The following UNC5C variants were observed in gnomAD, a reference collection of about 807,000 sequenced individuals.
UNC5C encodes unc-5 netrin receptor C.
UNC5C carries 47 observed loss-of-function variants against 99.8 expected under a neutral mutation model. The ratio of observed to expected loss-of-function variants is 0.47; its 90% CI spans 0.37 to 0.60. The LOEUF is 0.60. Ranked by LOEUF, UNC5C falls within the 20% of genes least tolerant of loss-of-function variation. UNC5C has a pLI of 0.00. For synonymous variants in UNC5C, 487 were observed against 452.2 expected (o/e 1.08, Z -0.98); for missense variants, 1,062 against 1,165.9 (o/e 0.91, Z 1.30).
intron 7 of UNC5C, among the ~76,000 whole-genome samples, chr4:95,235,863 G>T (rs1739091582): frequency 6.6e-6 from 1 of 152,132 alleles, no homozygotes; most frequent in Admixed American, 6.5e-5. Context: ...TCAGAGAAAT[G>T]CAAATCAAAA....
At chr4:95,287,183 T>A (rs531125065) in intron 3 of UNC5C, among the ~76,000 whole-genome samples, 2 of 152,332 alleles carry the variant, frequency 1.3e-5, no homozygotes, top group East Asian at 3.9e-4. Context: ...ATTGCATACA[T>A]AACATTTCAT....
At chr4:95,179,542 T>TTCGA (rs1736518538) in intron 14 of UNC5C, among the ~76,000 whole-genome samples, 1 of 151,444 alleles carries the variant, frequency 6.6e-6, no homozygotes, top group Non-Finnish European at 1.5e-5. Flanking sequence ...AGCTCAGGAG[T>TTCGA]TCGAGACCAG....
intron 12 of UNC5C, among the ~76,000 whole-genome samples, chr4:95,191,858 A>G (rs555261020): frequency 1.5e-5 from 1 of 66,176 alleles, no homozygotes; most frequent in African/African-American, 6.2e-5. Context: ...GCCTCCTCCC[A>G]TGCTCACCTC....
rs1394501203 is a variant in UNC5C, at chr4:95,202,966, T to TG, written c.1903-3dup. ...TTCCTCCCCGACCACCACCACATCC[T>TG]GGGGGACAAGAGGGAAGGGCCATGG... On this transcript the variant is annotated splice_polypyrimidine_tract_variant and splice_region_variant and intron_variant, in intron 11 of 15. Transcript: ENST00000453304. 6.2e-7 allele frequency: 1 copy of TG among 1,613,918 alleles called. No homozygotes were observed. Among genetic ancestry groups the TG allele is most frequent in the Admixed American group, 1.7e-5 (1 of 60,016 alleles).
At position 95,219,083 on chromosome 4, in the gene UNC5C, CCAA is replaced by C. The variant is rs1560738009; in HGVS notation, c.1528_1530del (p.Leu510del). The C allele has an allele frequency of 6.2e-7, 1 of 1,614,116 alleles. No individual in the cohort carries two copies. The highest frequency in any genetic ancestry group is 8.5e-7 in the Non-Finnish European group (1 of 1,180,022). On this transcript the variant is annotated inframe_deletion, in exon 9 of 16. Coordinates refer to ENST00000453304, the MANE Select transcript of UNC5C (RefSeq NM_003728.4). ...TTCTTCAGGCTGAGGGCTTCATTCT[CCAA>C]CAACGACTGGGTCATCTGAGGGGAC...
intron 1 of UNC5C, among the ~76,000 whole-genome samples, chr4:95,416,279 A>G (rs977444377): frequency 1.3e-5 from 2 of 152,092 alleles, no homozygotes; most frequent in Non-Finnish European, 2.9e-5. Context: ...AAGAATTTTT[A>G]GAGTGAGGAA....
intron 7 of UNC5C, among the ~76,000 whole-genome samples, chr4:95,236,393 T>G (rs1739115329): frequency 7.4e-6 from 1 of 135,146 alleles, no homozygotes; most frequent in Non-Finnish European, 1.5e-5. Flanking sequence ...TGAGAACACT[T>G]GGACACAGGA....
intron 3 of UNC5C, among the ~76,000 whole-genome samples, chr4:95,295,667 GT>G: frequency 6.6e-6 from 1 of 152,286 alleles, no homozygotes; most frequent in South Asian, 2.1e-4. Context: ...ACTTATTTAA[GT>G]TTAGCATCGT....
chr4:95,295,288 C>CGTG (rs1741634007), intron 3 of UNC5C, among the ~76,000 whole-genome samples: 1 of 152,328 alleles, frequency 6.6e-6, no homozygotes, highest in East Asian at 1.9e-4. Flanking sequence ...GTAGTGGCAA[C>CGTG]TTGAATTCTC....
At chr4:95,493,531 C>A (rs1039975732) in intron 1 of UNC5C, among the ~76,000 whole-genome samples, 1 of 151,330 alleles carries the variant, frequency 6.6e-6, no homozygotes, top group Non-Finnish European at 1.5e-5. Context: ...AGATGGTGAG[C>A]TTTATTAAAC....
chr4:95,321,572 A>C (rs1186121382), intron 2 of UNC5C, among the ~76,000 whole-genome samples: 6 of 152,194 alleles, frequency 3.9e-5, no homozygotes, highest in Admixed American at 6.5e-5. Context: ...AGACAAAGTC[A>C]ATGTGAAATA....
intron 2 of UNC5C, among the ~76,000 whole-genome samples, chr4:95,332,886 C>G (rs1307395269): frequency 7.2e-5 from 11 of 151,982 alleles, no homozygotes; most frequent in Non-Finnish European, 1.0e-4. Context: ...AAAAAACAAA[C>G]AACCCCATCA....
intron 7 of UNC5C, among the ~76,000 whole-genome samples, chr4:95,221,763 T>C (rs149429903): frequency 6.6e-6 from 1 of 152,304 alleles, no homozygotes; most frequent in African/African-American, 2.4e-5. Context: ...CACTTCTCTG[T>C]TGGGTTTTAT....
intron 1 of UNC5C, among the ~76,000 whole-genome samples, chr4:95,482,042 C>A (rs1721173384): frequency 1.3e-5 from 2 of 151,940 alleles, no homozygotes; most frequent in African/African-American, 4.8e-5. Context: ...TTCTGCACAG[C>A]AAAGAAACTA....
At chr4:95,354,625 G>A (rs777209554) in intron 1 of UNC5C, among the ~76,000 whole-genome samples, 2 of 151,560 alleles carry the variant, frequency 1.3e-5, no homozygotes, top group Non-Finnish European at 2.9e-5. Context: ...GGAACTACAG[G>A]CATGCACCAC....
intron 15 of UNC5C, among the ~76,000 whole-genome samples, chr4:95,169,609 T>G (rs1736006252): frequency 6.6e-6 from 1 of 152,042 alleles, no homozygotes; most frequent in African/African-American, 2.4e-5. Context: ...CAGCTCTGAG[T>G]GAGATAATTT....
At chr4:95,227,153 TTA>T (rs1314844809) in intron 7 of UNC5C, among the ~76,000 whole-genome samples, 8 of 140,128 alleles carry the variant, frequency 5.7e-5, no homozygotes, top group Admixed American at 2.2e-4. Context: ...TTTTTTTTTT[TTA>T]AATATTTATT....
intron 1 of UNC5C, among the ~76,000 whole-genome samples, chr4:95,377,617 T>C (rs1035170828): frequency 6.6e-6 from 1 of 152,024 alleles, no homozygotes; most frequent in Non-Finnish European, 1.5e-5. Flanking sequence ...GGTAATGGGT[T>C]TTAATGATTA....
chr4:95,348,620 T>A lies in UNC5C; in HGVS notation c.125-12989A>T, dbSNP rs192994473. ...CATTAAAAGTATTTTTTAATGACTG[T>A]ATAGTACTCCATTGTGTATATCTAC... On this transcript the variant is annotated intron_variant, in intron 1 of 15. Coordinates refer to ENST00000453304, the MANE Select transcript of UNC5C (RefSeq NM_003728.4). 1.4e-3 allele frequency among the ~76,000 whole-genome samples: 214 copies of A among 148,826 alleles called. 1 individual carries two copies. The highest frequency in any genetic ancestry group is 4.4e-3 in the African/African-American group (178 of 40,710).
Sources: allele counts gnomAD v4.1 joint callset (sites outside exome capture counted in the v4.1 genomes callset), GRCh38; gene constraint gnomAD v4.1.1; transcripts MANE v1.5; gene names NCBI Gene and HGNC (gene_info 2026-07-23, HGNC 2026-07-21).